Variants in TMC1 observed in about 807,000 individuals in gnomAD.
TMC1 encodes the protein transmembrane channel like 1, also known as transmembrane channel-like protein 1.
A neutral mutation model predicts 105.8 loss-of-function variants in TMC1; 84 were observed. That is an observed-to-expected ratio of 0.79 (90% CI 0.67 to 0.95). The LOEUF is 0.95. TMC1 is among the 40% of genes least tolerant of loss of function. TMC1 has a pLI of 0.00. For synonymous variants in TMC1, 315 were observed against 311.5 expected, an observed-to-expected ratio of 1.01 and a Z score of -0.12; for missense variants, 817 against 914.1, an observed-to-expected ratio of 0.89 and a Z score of 1.37.
At chr9:72,736,926 G>A (rs540952614) in intron 8 of TMC1, among the ~76,000 whole-genome samples, 74 of 152,312 alleles carry the variant, frequency 4.9e-4, no homozygotes, top group African/African-American at 1.7e-3. Context: ...AACAATGACA[G>A]CAATATTTTA....
At chr9:72,787,877 G>T (rs2118176035) in intron 13 of TMC1, among the ~76,000 whole-genome samples, 1 of 152,124 alleles carries the variant, frequency 6.6e-6, no homozygotes, top group South Asian at 2.1e-4. Flanking sequence ...GAGTTTCTTT[G>T]CCTGGTTTAG....
At chr9:72,724,631 A>G (rs1051438831) in intron 8 of TMC1, among the ~76,000 whole-genome samples, 2 of 152,190 alleles carry the variant, frequency 1.3e-5, no homozygotes, top group Admixed American at 6.5e-5. Context: ...TTCTTTTTAG[A>G]TAGATAAATC....
intron 5 of TMC1, among the ~76,000 whole-genome samples, chr9:72,664,258 A>T (rs1339435826): frequency 6.6e-6 from 1 of 152,204 alleles, no homozygotes; most frequent in Non-Finnish European, 1.5e-5. Flanking sequence ...CTGGCAGTGC[A>T]GTAGGTGTGT....
At chr9:72,714,593 CT>C (rs34293868) in intron 8 of TMC1, among the ~76,000 whole-genome samples, 34,634 of 151,730 alleles carry the variant, frequency 0.23, 4,285 homozygotes, top group East Asian at 0.39. Context: ...GGAACCTCTG[CT>C]TTTTTTTGCT....
chr9:72,786,871 T>C (rs1022417115), intron 13 of TMC1, among the ~76,000 whole-genome samples: 1 of 152,180 alleles, frequency 6.6e-6, no homozygotes, highest in African/African-American at 2.4e-5. Context: ...CATTCAAAAC[T>C]TATCTGCCAA....
chr9:72,761,254 G>A (rs1439944434), intron 12 of TMC1, among the ~76,000 whole-genome samples: 1 of 152,128 alleles, frequency 6.6e-6, no homozygotes, highest in African/African-American at 2.4e-5. Flanking sequence ...AGAGACAAGG[G>A]TGATATAGAA....
chr9:72,679,734 C>T (rs897556773), intron 5 of TMC1, among the ~76,000 whole-genome samples: 1 of 152,042 alleles, frequency 6.6e-6, no homozygotes, highest in Non-Finnish European at 1.5e-5. Context: ...ATCCCATGAC[C>T]TAACAATACC....
chr9:72,786,261 G>GA (rs1828165698), intron 13 of TMC1, among the ~76,000 whole-genome samples: 1 of 152,094 alleles, frequency 6.6e-6, no homozygotes, highest in Non-Finnish European at 1.5e-5. Flanking sequence ...TGGCTAACAT[G>GA]GTGAAACCTC....
At chr9:72,655,826 G>T in intron 5 of TMC1, 1 of 680,310 alleles carries the variant, frequency 1.5e-6, no homozygotes, top group Non-Finnish European at 2.7e-6. Context: ...TATTAAAATA[G>T]TTGACTTATA....
chr9:72,698,222 A>C (rs969206), intron 7 of TMC1, among the ~76,000 whole-genome samples: 1 of 151,372 alleles, frequency 6.6e-6, no homozygotes, highest in African/African-American at 2.4e-5. Flanking sequence ...CTTGAACCAA[A>C]ATGATTATTC....
chr9:72,795,532 A>G (rs1346034393), intron 17 of TMC1, among the ~76,000 whole-genome samples: 4 of 152,206 alleles, frequency 2.6e-5, no homozygotes, highest in Non-Finnish European at 1.5e-5. Context: ...CAAGAATTTC[A>G]TATCAGGCCA....
At position 72,628,827 on chromosome 9, in the gene TMC1, A is replaced by G. The variant is rs192751878; in HGVS notation, c.-53+764A>G. ...AGTATAATTTGTATTTTTCAAAATTATGATTAGATCTAATTCTTTTTCAAG... is the reference window on the plus strand; with the variant it reads ...AGTATAATTTGTATTTTTCAAAATTGTGATTAGATCTAATTCTTTTTCAAG... On this transcript the variant is annotated intron_variant, in intron 4 of 23. Coordinates refer to ENST00000297784, the MANE Select transcript of TMC1 (RefSeq NM_138691.3). Among the ~76,000 whole-genome samples the G allele has an allele frequency of 2.3e-4, 35 of 152,350 alleles. 1 individual carries two copies. Among genetic ancestry groups the G allele is most frequent in the Non-Finnish European group, 3.7e-4 (25 of 68,026 alleles).
At chr9:72,581,323 C>T (rs1824470545) in intron 2 of TMC1, among the ~76,000 whole-genome samples, 1 of 152,062 alleles carries the variant, frequency 6.6e-6, no homozygotes, top group South Asian at 2.1e-4. Flanking sequence ...TTATTAATGC[C>T]ACTTTTCACA....
At chr9:72,763,164 C>A (rs1032086563) in intron 12 of TMC1, among the ~76,000 whole-genome samples, 1 of 149,120 alleles carries the variant, frequency 6.7e-6, no homozygotes, top group Non-Finnish European at 1.5e-5. Flanking sequence ...TTGGCCAAAC[C>A]AAAAGTGAGC....
intron 2 of TMC1, among the ~76,000 whole-genome samples, chr9:72,591,895 T>C (rs2132106170): frequency 6.6e-6 from 1 of 152,278 alleles, no homozygotes; most frequent in East Asian, 1.9e-4. Flanking sequence ...GATATCTGGG[T>C]ATCATTGATT....
At chr9:72,565,444 T>C (rs1057495192) in intron 1 of TMC1, among the ~76,000 whole-genome samples, 2 of 152,184 alleles carry the variant, frequency 1.3e-5, no homozygotes, top group Non-Finnish European at 2.9e-5. Flanking sequence ...AAGGAGGAAA[T>C]AAAACACTGA....
intron 5 of TMC1, among the ~76,000 whole-genome samples, chr9:72,682,110 A>G (rs1826297313): frequency 6.6e-6 from 1 of 152,196 alleles, no homozygotes; most frequent in Non-Finnish European, 1.5e-5. Flanking sequence ...TTGAAACCAC[A>G]GAGATTGAAA....
intron 5 of TMC1, chr9:72,655,794 A>C: frequency 1.7e-6 from 1 of 597,624 alleles, no homozygotes; most frequent in Non-Finnish European, 3.0e-6. Context: ...TTTTTTTTTA[A>C]TTTTTCAACT....
intron 8 of TMC1, among the ~76,000 whole-genome samples, chr9:72,723,092 A>G (rs1827056946): frequency 6.6e-6 from 1 of 152,190 alleles, no homozygotes; most frequent in South Asian, 2.1e-4. Flanking sequence ...TGTGAGAAGG[A>G]AAAACAATGA....
Sources: gnomAD v4.1 joint callset for allele counts (sites outside exome capture counted in the v4.1 genomes callset) on GRCh38, gnomAD v4.1.1 for gene constraint, MANE v1.5 for transcripts, NCBI Gene and HGNC (gene_info 2026-07-23, HGNC 2026-07-21) for gene names.